Variants in ZC3H12B observed in about 807,000 individuals in gnomAD.
ZC3H12B encodes the protein zinc finger CCCH-type containing 12B, also known as probable ribonuclease ZC3H12B.
ZC3H12B carries 7 observed loss-of-function variants against 43.9 expected under a neutral mutation model. The observed-to-expected ratio is 0.16, with a 90% CI of 0.09 to 0.30. The LOEUF is 0.30. ZC3H12B is among the 10% of genes least tolerant of loss of function. The probability of loss-of-function intolerance (pLI) is 1.00; values close to 1 mark genes in which losing one functional copy is unlikely to be tolerated. For synonymous variants in ZC3H12B, 222 were observed against 241.7 expected (o/e 0.92, Z 0.76); for missense variants, 475 against 670.2 (o/e 0.71, Z 3.22).
the ZC3H12B span, among the ~76,000 whole-genome samples, chrX:65,286,602 T>A: frequency 9.0e-6 from 1 of 110,879 alleles, no homozygotes; most frequent in South Asian, 3.8e-4. Context: ...TGTGTGTGTA[T>A]ATACACACAC....
At chrX:65,417,111 G>A (rs894950322) in intron 3 of ZC3H12B, among the ~76,000 whole-genome samples, 1 of 111,249 alleles carries the variant, frequency 9.0e-6, no homozygotes, top group Non-Finnish European at 1.9e-5. Context: ...AACCTACCTG[G>A]GGATTTTTCT....
intron 2 of ZC3H12B, among the ~76,000 whole-genome samples, chrX:65,497,929 G>C (rs1457628436): frequency 1.8e-5 from 2 of 111,225 alleles, no homozygotes; most frequent in East Asian, 5.6e-4. Context: ...TTTGAGACAG[G>C]GTCTCACTCT....
At chrX:65,274,862 C>T in the ZC3H12B span, among the ~76,000 whole-genome samples, 1 of 111,811 alleles carries the variant, frequency 8.9e-6, no homozygotes, top group Non-Finnish European at 1.9e-5. Flanking sequence ...ATGTCCTGGA[C>T]CTAAGAAACA....
chrX:65,323,431 A>G, the ZC3H12B span, among the ~76,000 whole-genome samples: 1 of 111,841 alleles, frequency 8.9e-6, no homozygotes, highest in Non-Finnish European at 1.9e-5. Flanking sequence ...CTTATGAGTG[A>G]GAACATGTGG....
At chrX:65,411,671 A>T (rs1331427327) in intron 3 of ZC3H12B, among the ~76,000 whole-genome samples, 1 of 110,376 alleles carries the variant, frequency 9.1e-6, no homozygotes, top group Non-Finnish European at 1.9e-5. Context: ...GGTTGCAGTG[A>T]GCCGAGTTCA....
intron 3 of ZC3H12B, among the ~76,000 whole-genome samples, chrX:65,455,510 T>C (rs750264227): frequency 8.9e-6 from 1 of 111,990 alleles, no homozygotes; most frequent in African/African-American, 3.2e-5. Context: ...ATTGGTGTAT[T>C]TGAAAGTCAC....
chrX:65,059,672 TTC>T, the ZC3H12B span, among the ~76,000 whole-genome samples: 17 of 111,846 alleles, frequency 1.5e-4, no homozygotes, highest in South Asian at 6.0e-3. Flanking sequence ...TCCTCTAATT[TTC>T]TGATTTTTAC....
intron 3 of ZC3H12B, 25 bp downstream of exon 8, chrX:65,499,258 T>G: frequency 1.1e-5 from 11 of 1,000,692 alleles, no homozygotes; most frequent in South Asian, 2.0e-5. Context: ...AGTAGGCCTA[T>G]ATCCAAGTTA....
chrX:65,417,746 C>T (rs762305396), intron 3 of ZC3H12B, among the ~76,000 whole-genome samples: 44 of 112,869 alleles, frequency 3.9e-4, no homozygotes, highest in Non-Finnish European at 7.5e-4. Flanking sequence ...TGGGCAAAGC[C>T]CTTTGTTCCC....
At chrX:65,274,743 A>T in the ZC3H12B span, among the ~76,000 whole-genome samples, 4 of 109,521 alleles carry the variant, frequency 3.7e-5, no homozygotes, top group Non-Finnish European at 5.7e-5. Context: ...ACTCAGACAC[A>T]CTCCTATCCT....
chrX:65,140,311 G>T, the ZC3H12B span, among the ~76,000 whole-genome samples: 1 of 111,268 alleles, frequency 9.0e-6, no homozygotes, highest in African/African-American at 3.3e-5. Context: ...ACGAAGGGAT[G>T]TTGAATTTTG....
intron 3 of ZC3H12B, among the ~76,000 whole-genome samples, chrX:65,431,246 A>T (rs2067158509): frequency 8.9e-6 from 1 of 112,703 alleles, no homozygotes; most frequent in South Asian, 3.7e-4. Context: ...GACTATATGG[A>T]AAGTAAATCC....
chrX:65,397,022 A>C (rs2066707846), intron 2 of ZC3H12B, among the ~76,000 whole-genome samples: 2 of 111,082 alleles, frequency 1.8e-5, no homozygotes, highest in African/African-American at 6.6e-5. Context: ...CTAGTATTGC[A>C]ACCTCGGCTT....
At chrX:65,111,351 C>T in the ZC3H12B span, among the ~76,000 whole-genome samples, 1 of 110,900 alleles carries the variant, frequency 9.0e-6, no homozygotes, top group East Asian at 2.8e-4. Flanking sequence ...AAGTATAATG[C>T]TAGCTGTAGG....
At chrX:65,292,108 G>A in the ZC3H12B span, among the ~76,000 whole-genome samples, 1 of 111,579 alleles carries the variant, frequency 9.0e-6, no homozygotes, top group Non-Finnish European at 1.9e-5. Context: ...ATTATAAATG[G>A]AAAGATGAGG....
At chrX:65,322,500 C>T in the ZC3H12B span, among the ~76,000 whole-genome samples, 1 of 112,274 alleles carries the variant, frequency 8.9e-6, no homozygotes, top group Admixed American at 9.4e-5. Context: ...GAGGGGACTG[C>T]TCATTTTTCA....
chrX:65,364,721 T>G (rs1475538840), upstream of ZC3H12B, among the ~76,000 whole-genome samples: 1 of 111,434 alleles, frequency 9.0e-6, no homozygotes, highest in Non-Finnish European at 1.9e-5. Context: ...TCTTAGAACC[T>G]CTCATTTCTT....
the ZC3H12B span, among the ~76,000 whole-genome samples, chrX:65,151,572 T>A: frequency 8.9e-6 from 1 of 111,991 alleles, no homozygotes; most frequent in Admixed American, 9.5e-5. Flanking sequence ...ATTCCCCTAA[T>A]CTTTAAAGGT....
chrX:65,234,878 G>A, the ZC3H12B span, among the ~76,000 whole-genome samples: 1 of 111,432 alleles, frequency 9.0e-6, no homozygotes, highest in Non-Finnish European at 1.9e-5. Context: ...GCCCCAGTGT[G>A]TCTTGTTTCC....
Sources: gnomAD v4.1 joint callset for allele counts (sites outside exome capture counted in the v4.1 genomes callset) on GRCh38, gnomAD v4.1.1 for gene constraint, MANE v1.5 for transcripts, NCBI Gene and HGNC (gene_info 2026-07-23, HGNC 2026-07-21) for gene names.